GABRG3: variants seen among roughly 807,000 people sequenced by gnomAD.
GABRG3 encodes gamma-aminobutyric acid receptor subunit gamma-3.
A neutral mutation model predicts 48.8 loss-of-function variants in GABRG3; 25 were observed. The observed-to-expected ratio is 0.51, with a 90% CI of 0.37 to 0.72. The LOEUF (loss-of-function observed/expected upper bound fraction) is 0.72. GABRG3 is among the 30% of genes least tolerant of loss of function. GABRG3 has a pLI of 0.00. For synonymous variants in GABRG3, 227 were observed against 217.6 expected (o/e 1.04, Z -0.38); for missense variants, 394 against 577.9 (o/e 0.68, Z 3.26).
chr15:27,050,339 A>G (rs1395447036), intron 3 of GABRG3, among the ~76,000 whole-genome samples: 2 of 152,164 alleles, frequency 1.3e-5, no homozygotes, highest in African/African-American at 4.8e-5. Context: ...GGTGACCCCA[A>G]ACTGCATTCT....
rs956302605 is a variant in GABRG3 at position 27,457,563 on chromosome 15, G to A, written c.575-23087G>A. On this transcript the variant is annotated intron_variant, in intron 5 of 9. Coordinates refer to ENST00000615808, the MANE Select transcript of GABRG3 (RefSeq NM_033223.5). This position sits in a 1 kb window ranked among gnomAD's most constrained non-coding sequence, Gnocchi z 4.4. ...CAGAGGAGGACCTGCGATTAGATAC[G>A]GACACGTTCCCTGCCCCGTATCTAA... Among the ~76,000 whole-genome samples the A allele has an allele frequency of 1.3e-4, 20 of 152,044 alleles. No homozygotes were observed. The highest frequency in any genetic ancestry group is 4.1e-4 in the African/African-American group (17 of 41,396).
chr15:27,290,985 T>C (rs182586798), intron 3 of GABRG3, among the ~76,000 whole-genome samples: 37 of 152,350 alleles, frequency 2.4e-4, no homozygotes, highest in Middle Eastern at 3.4e-3. Context: ...GTTTGTTTAA[T>C]ATTAAGAAAA....
chr15:27,177,959 T>G (rs1887798499), intron 3 of GABRG3, among the ~76,000 whole-genome samples: 1 of 152,102 alleles, frequency 6.6e-6, no homozygotes, highest in Non-Finnish European at 1.5e-5. Flanking sequence ...AGATCCTGCC[T>G]AAACTCACCT....
chr15:27,000,458 C>T (rs1271990628), intron 2 of GABRG3, among the ~76,000 whole-genome samples: 1 of 152,254 alleles, frequency 6.6e-6, no homozygotes, highest in African/African-American at 2.4e-5. Context: ...TCTGTATCTC[C>T]ACCCAAATCT....
chr15:27,204,453 A>G (rs1177709253), intron 3 of GABRG3, among the ~76,000 whole-genome samples: 1 of 152,052 alleles, frequency 6.6e-6, no homozygotes, highest in African/African-American at 2.4e-5. Context: ...GTTATAGTAT[A>G]GTTTGAAGTG....
intron 3 of GABRG3, among the ~76,000 whole-genome samples, chr15:27,163,670 G>A (rs1887271026): frequency 6.6e-6 from 1 of 152,110 alleles, no homozygotes; most frequent in South Asian, 2.1e-4. Flanking sequence ...TCAGCATGGT[G>A]GCCATATCCA....
At chr15:27,019,259 A>G (rs1895841589) in intron 2 of GABRG3, among the ~76,000 whole-genome samples, 1 of 151,396 alleles carries the variant, frequency 6.6e-6, no homozygotes, top group Admixed American at 6.6e-5. Flanking sequence ...TTTAGTAGAG[A>G]CGGGGTTTCA....
intron 5 of GABRG3, among the ~76,000 whole-genome samples, chr15:27,388,340 GT>G (rs1896095051): frequency 1.9e-5 from 1 of 51,882 alleles, no homozygotes; most frequent in Non-Finnish European, 3.8e-5. Context: ...GGAAGGAAAG[GT>G]GGGAGGGAGG....
intron 3 of GABRG3, among the ~76,000 whole-genome samples, chr15:27,071,983 G>A (rs906188227): frequency 5.9e-5 from 9 of 152,180 alleles, no homozygotes; most frequent in African/African-American, 2.2e-4. Context: ...AATCAGGACG[G>A]TATTTAAGCC....
chr15:27,031,025 G>A (rs72715935), intron 3 of GABRG3, among the ~76,000 whole-genome samples: 2,048 of 151,030 alleles, frequency 0.014, 20 homozygotes, highest in Non-Finnish European at 0.022. Flanking sequence ...TGAGCAGAAA[G>A]TAGAGTTCCC....
chr15:27,328,849 C>G lies in GABRG3; in HGVS notation c.535C>G (p.Pro179Ala). 1 of 1,614,060 alleles carries G rather than the reference C, an allele frequency of 6.2e-7. No individual in the cohort carries two copies. The change falls in exon 5 of 10, where the codon CCC (proline) becomes GCC (alanine). Residue 179 changes from proline to alanine, a missense_variant. Pro to Ala is a conservative substitution (Grantham distance 27). Transcript: ENST00000615808. ...AECQLQLHNF[P>A]MDEHSCPLIF... The stretch of plus-strand genomic sequence containing the variant: ...GTGCCAGCTGCAGCTGCACAACTTC[C>G]CCATGGACGAACACTCCTGCCCGCT...
intron 6 of GABRG3, chr15:27,481,380 A>T (rs1351059930): frequency 1.7e-6 from 1 of 592,546 alleles, no homozygotes; most frequent in Non-Finnish European, 2.1e-6. Flanking sequence ...CTTATGTCTT[A>T]TGTTGTTTTT....
chr15:27,220,478 C>T (rs570505969), intron 3 of GABRG3, among the ~76,000 whole-genome samples: 4 of 152,062 alleles, frequency 2.6e-5, no homozygotes, highest in Admixed American at 6.5e-5. Context: ...GGCCTGTAGA[C>T]GTGACCTTCT....
In GABRG3 at chr15:27,362,785, T is replaced by C. The variant is rs145262693; in HGVS notation, c.574+33897T>C. On this transcript the variant is annotated intron_variant, in intron 5 of 9. Coordinates refer to ENST00000615808, the MANE Select transcript of GABRG3 (RefSeq NM_033223.5). ...TCATGGCTTCTAACCGTCTAGGGCTTACCTGTCCACCTGAGATTTTAGAGC... is the reference window on the plus strand; with the variant it reads ...TCATGGCTTCTAACCGTCTAGGGCTCACCTGTCCACCTGAGATTTTAGAGC... 6.8e-4 allele frequency: 103 copies of C among 152,284 alleles called. 1 individual carries two copies. Among genetic ancestry groups the C allele is most frequent in the African/African-American group, 2.4e-3 (98 of 41,564 alleles). 9.4% of individuals were successfully genotyped at this position (152,284 alleles called of 1,614,324 possible). A position where few individuals can be genotyped will look rare whatever the true frequency, so the allele number is the denominator to read the frequency against.
intron 3 of GABRG3, among the ~76,000 whole-genome samples, chr15:27,315,877 C>T (rs10438510): frequency 0.011 from 1,689 of 152,258 alleles, 38 homozygotes; most frequent in African/African-American, 0.038. Flanking sequence ...CCTTATGTAG[C>T]TCAAGCTACT....
At chr15:27,024,664 C>A (rs1255158898) in intron 2 of GABRG3, among the ~76,000 whole-genome samples, 1 of 152,192 alleles carries the variant, frequency 6.6e-6, no homozygotes, top group African/African-American at 2.4e-5. Context: ...TGTGGCCAAT[C>A]TCCTTCTTGG....
At chr15:27,134,486 C>T (rs1380996095) in intron 3 of GABRG3, among the ~76,000 whole-genome samples, 1 of 152,180 alleles carries the variant, frequency 6.6e-6, no homozygotes, top group Non-Finnish European at 1.5e-5. Flanking sequence ...AAGTTAGCCT[C>T]CTCTGTTTGG....
intron 6 of GABRG3, among the ~76,000 whole-genome samples, chr15:27,494,051 T>A (rs566898527): frequency 5.9e-5 from 9 of 152,292 alleles, no homozygotes; most frequent in Admixed American, 3.9e-4. Context: ...TTTGATGTGA[T>A]CATATGATTT....
intron 3 of GABRG3, among the ~76,000 whole-genome samples, chr15:27,292,929 C>A (rs1388047491): frequency 6.6e-6 from 1 of 152,058 alleles, no homozygotes; most frequent in Non-Finnish European, 1.5e-5. Context: ...CTCTACCTAA[C>A]GATATTGATA....
Sources: gnomAD v4.1 joint callset for allele counts (sites outside exome capture counted in the v4.1 genomes callset) on GRCh38, gnomAD v4.1.1 for gene constraint, Gnocchi (gnomAD v3.1) non-coding constraint, MANE v1.5 for transcripts, NCBI Gene and HGNC (gene_info 2026-07-23, HGNC 2026-07-21) for gene names.